The following CCBE1 variants were observed in gnomAD, a reference collection of about 807,000 sequenced individuals.
The protein encoded by CCBE1 is collagen and calcium-binding EGF domain-containing protein 1.
CCBE1 carries 37 observed loss-of-function variants against 50.0 expected under a neutral mutation model. The observed-to-expected ratio is 0.74, with a 90% CI of 0.57 to 0.97. CCBE1 has a LOEUF of 0.97. Ranked by LOEUF, CCBE1 falls within the 50% of genes least tolerant of loss-of-function variation. The pLI is 0.00. For missense variants in CCBE1, 538 were observed against 523.8 expected, an observed-to-expected ratio of 1.03 and a Z score of -0.26; for synonymous variants, 234 against 203.7, an observed-to-expected ratio of 1.15 and a Z score of -1.27.
At chr18:59,441,359 A>G (rs1910412492) in intron 7 of CCBE1, among the ~76,000 whole-genome samples, 1 of 151,704 alleles carries the variant, frequency 6.6e-6, no homozygotes, top group African/African-American at 2.4e-5. Flanking sequence ...AAAATACAAA[A>G]ATTAGTCAGG....
intron 3 of CCBE1, among the ~76,000 whole-genome samples, chr18:59,471,507 T>C (rs1183394252): frequency 6.6e-6 from 1 of 152,242 alleles, no homozygotes; most frequent in East Asian, 1.9e-4. Context: ...AGCTATTCTT[T>C]GCTGAGCCTG....
In CCBE1 at chr18:59,583,244, G is replaced by T. The variant is rs1334579512; in HGVS notation, c.213-103006C>A. Reference sequence around the variant, plus strand: ...GAAACTTACACTTTCAACTTTAATTGTAAGCCCACAGAAAAAAACAAACAA... The same window carrying T: ...GAAACTTACACTTTCAACTTTAATTTTAAGCCCACAGAAAAAAACAAACAA... On this transcript the variant is annotated intron_variant, in intron 2 of 10. Coordinates refer to ENST00000439986, the MANE Select transcript of CCBE1 (RefSeq NM_133459.4). Among the ~76,000 whole-genome samples the T allele has an allele frequency of 4.1e-5, 6 of 147,460 alleles. No homozygotes were observed. In the Admixed American group the frequency reaches 4.2e-4, roughly 10 times the overall value.
intron 2 of CCBE1, among the ~76,000 whole-genome samples, chr18:59,672,776 A>G (rs2054451082): frequency 6.6e-6 from 1 of 152,254 alleles, no homozygotes; most frequent in African/African-American, 2.4e-5. Context: ...TGAAGGATAC[A>G]AGAATAAAAC....
intron 4 of CCBE1, 101 bp downstream of exon 4, chr18:59,469,372 T>C: frequency 6.7e-7 from 1 of 1,487,932 alleles, no homozygotes; most frequent in Non-Finnish European, 9.4e-7. Flanking sequence ...CAAACACAAC[T>C]CCATCCAACA....
intron 2 of CCBE1, among the ~76,000 whole-genome samples, chr18:59,548,734 C>T (rs908517977): frequency 1.5e-5 from 1 of 68,402 alleles, no homozygotes; most frequent in African/African-American, 6.3e-5. Flanking sequence ...GGCAGATTAC[C>T]TGAGGTGTTC....
rs552397324 is a variant in CCBE1, at chr18:59,577,420, C to A, written c.213-97182G>T. On this transcript the variant is annotated intron_variant, in intron 2 of 10. Coordinates refer to ENST00000439986, the MANE Select transcript of CCBE1 (RefSeq NM_133459.4). ...CCCCTGGAAAGACACAAGGGACTAG[C>A]TTAAGCTGCCCCTGATTGATGGCAC... 5.9e-5 allele frequency among the ~76,000 whole-genome samples: 9 copies of A among 152,314 alleles called. No homozygotes were observed. The East Asian group carries it at 1.5e-3, about 26-fold the overall frequency.
intron 3 of CCBE1, among the ~76,000 whole-genome samples, chr18:59,478,887 G>A (rs1014866198): frequency 3.3e-5 from 5 of 152,190 alleles, no homozygotes; most frequent in African/African-American, 9.7e-5. Flanking sequence ...TCAGCAGAGA[G>A]AAATTCAGCT....
At chr18:59,525,325 C>A (rs557692687) in intron 2 of CCBE1, among the ~76,000 whole-genome samples, 2 of 152,336 alleles carry the variant, frequency 1.3e-5, no homozygotes, top group Admixed American at 1.3e-4. Context: ...CTCTAATGAC[C>A]AGTGATGTTG....
chr18:59,511,559 A>G (rs965800378), intron 2 of CCBE1, among the ~76,000 whole-genome samples: 5 of 152,244 alleles, frequency 3.3e-5, no homozygotes, highest in African/African-American at 1.2e-4. Flanking sequence ...TAAAGATTAA[A>G]TCTGGGTAAG....
At chr18:59,591,418 T>C (rs2053267246) in intron 2 of CCBE1, among the ~76,000 whole-genome samples, 1 of 151,854 alleles carries the variant, frequency 6.6e-6, no homozygotes, top group Non-Finnish European at 1.5e-5. Flanking sequence ...TGGGAGAAAA[T>C]ATTTGCATCA....
chr18:59,454,630 T>G (rs1025041706), intron 6 of CCBE1, among the ~76,000 whole-genome samples: 11 of 152,204 alleles, frequency 7.2e-5, no homozygotes, highest in African/African-American at 9.7e-5. Flanking sequence ...AGTGTCCATT[T>G]TAATAATTGC....
At chr18:59,640,824 A>G (rs955416908) in intron 2 of CCBE1, among the ~76,000 whole-genome samples, 3 of 152,208 alleles carry the variant, frequency 2.0e-5, no homozygotes, top group African/African-American at 7.2e-5. Context: ...AAAGTGGAAC[A>G]AAGGACATGA....
At chr18:59,661,781 A>AAC (rs2054289288) in intron 2 of CCBE1, among the ~76,000 whole-genome samples, 1 of 152,124 alleles carries the variant, frequency 6.6e-6, no homozygotes, top group East Asian at 1.9e-4. Flanking sequence ...CAGTCTGGCC[A>AAC]ACATGGTGAA....
intron 2 of CCBE1, among the ~76,000 whole-genome samples, chr18:59,605,907 C>T (rs1313368266): frequency 6.6e-6 from 1 of 152,098 alleles, no homozygotes; most frequent in East Asian, 1.9e-4. Flanking sequence ...GTGAGCTGCT[C>T]CACTGGGGGA....
chr18:59,606,413 G>A (rs1158436810), intron 2 of CCBE1, among the ~76,000 whole-genome samples: 1 of 152,180 alleles, frequency 6.6e-6, no homozygotes, highest in Non-Finnish European at 1.5e-5. Flanking sequence ...CCCAACTTTT[G>A]TTTAGAAGTC....
intron 2 of CCBE1, among the ~76,000 whole-genome samples, chr18:59,579,704 T>A (rs2053055042): frequency 1.3e-5 from 2 of 152,216 alleles, no homozygotes; most frequent in African/African-American, 4.8e-5. Context: ...AACGGAATGT[T>A]AGGCTCTTAC....
In CCBE1 at chr18:59,581,287, A is replaced by C. The variant is rs2053080518; in HGVS notation, c.213-101049T>G. On this transcript the variant is annotated intron_variant, in intron 2 of 10. Transcript: ENST00000439986. ...GAAACCCCATCTCTACTAAAAATAC[A>C]AAAATTAGCTGGGTGTGGTGGTGCA... is the stretch of plus-strand genomic sequence containing the variant. Among the ~76,000 whole-genome samples, 4 of 152,094 alleles carry C rather than the reference A, an allele frequency of 2.6e-5. No individual in the cohort carries two copies. The South Asian group carries it at 8.3e-4, about 32-fold the overall frequency.
At chr18:59,694,792 A>C (rs1429055372) in intron 2 of CCBE1, among the ~76,000 whole-genome samples, 2 of 152,268 alleles carry the variant, frequency 1.3e-5, no homozygotes. Flanking sequence ...CGACTTCCAT[A>C]GAGAAAATAG....
intron 2 of CCBE1, among the ~76,000 whole-genome samples, chr18:59,622,480 G>A (rs1340022123): frequency 2.0e-5 from 3 of 150,448 alleles, no homozygotes; most frequent in Admixed American, 6.7e-5. Context: ...CTCCAGCCTG[G>A]GCGACAGAGT....
Sources: gnomAD v4.1 joint callset for allele counts (sites outside exome capture counted in the v4.1 genomes callset) on GRCh38, gnomAD v4.1.1 for gene constraint, MANE v1.5 for transcripts, NCBI Gene and HGNC (gene_info 2026-07-23, HGNC 2026-07-21) for gene names.